GRM7: variants seen among roughly 807,000 people sequenced by gnomAD.
GRM7 encodes the protein glutamate metabotropic receptor 7.
Under a neutral mutation model 84.5 loss-of-function variants are expected in GRM7, and 35 were observed. The observed-to-expected ratio is 0.41, with a 90% CI of 0.32 to 0.55. The LOEUF (loss-of-function observed/expected upper bound fraction) is 0.55. GRM7 is among the 20% of genes least tolerant of loss of function. The pLI, the probability that GRM7 is intolerant of heterozygous loss-of-function variation, is 0.19. For synonymous variants in GRM7, 487 were observed against 455.1 expected (o/e 1.07, Z -0.89); for missense variants, 1,003 against 1,194.6 (o/e 0.84, Z 2.36).
chr3:7,574,280 C>T (rs1694848877), intron 7 of GRM7, among the ~76,000 whole-genome samples: 1 of 151,880 alleles, frequency 6.6e-6, no homozygotes, highest in African/African-American at 2.4e-5. Context: ...CTGCCTCAGC[C>T]TCCTGACTAG....
intron 8 of GRM7, among the ~76,000 whole-genome samples, chr3:7,646,574 G>A (rs965351402): frequency 3.7e-4 from 56 of 152,082 alleles, no homozygotes; most frequent in African/African-American, 1.4e-3. Flanking sequence ...CCTTGTTAGT[G>A]CCATGCAGTA....
intron 2 of GRM7, among the ~76,000 whole-genome samples, chr3:7,284,342 A>G (rs1699356498): frequency 6.6e-6 from 1 of 151,622 alleles, no homozygotes; most frequent in South Asian, 2.1e-4. Context: ...GGATCTGCAC[A>G]CTAGTACAGA....
At chr3:7,344,619 G>A (rs1207727017) in intron 4 of GRM7, among the ~76,000 whole-genome samples, 10 of 152,154 alleles carry the variant, frequency 6.6e-5, no homozygotes, top group South Asian at 4.2e-4. Flanking sequence ...CCTGTTATTC[G>A]TGCAACATGG....
intron 4 of GRM7, among the ~76,000 whole-genome samples, chr3:7,393,230 C>T: frequency 6.6e-6 from 1 of 152,160 alleles, no homozygotes; most frequent in East Asian, 1.9e-4. Flanking sequence ...TCTATAGGTT[C>T]CCAGTGTCTC....
intron 2 of GRM7, among the ~76,000 whole-genome samples, chr3:7,163,958 T>C (rs2125081650): frequency 6.6e-6 from 1 of 152,338 alleles, no homozygotes; most frequent in African/African-American, 2.4e-5. Flanking sequence ...AGTGTTCAAG[T>C]CATCTTGACA....
At chr3:7,163,647 G>A (rs1213458631) in intron 2 of GRM7, among the ~76,000 whole-genome samples, 1 of 152,090 alleles carries the variant, frequency 6.6e-6, no homozygotes, top group African/African-American at 2.4e-5. Flanking sequence ...TAGACAGGGT[G>A]GTTGGGAACA....
Position 7,054,519 on chromosome 3 carries a change from C to G in GRM7, c.520-91933C>G, listed in dbSNP as rs191179825. ...AACTGAAATAATGAGAGTAGTCATT[C>G]TTGCATTGGTCCCTGTTTAAGTGGG... On this transcript the variant is annotated intron_variant, in intron 1 of 9. Transcript: ENST00000357716. 2.4e-3 allele frequency among the ~76,000 whole-genome samples: 358 copies of G among 151,660 alleles called. 2 individuals carry two copies. Among genetic ancestry groups the G allele is most frequent in the African/African-American group, 8.4e-3 (346 of 41,436 alleles).
At chr3:7,501,338 G>A (rs983162179) in intron 7 of GRM7, among the ~76,000 whole-genome samples, 9 of 152,192 alleles carry the variant, frequency 5.9e-5, no homozygotes, top group Non-Finnish European at 1.3e-4. Flanking sequence ...AAAAGCAGGT[G>A]TTTCTGAAAT....
intron 8 of GRM7, among the ~76,000 whole-genome samples, chr3:7,617,548 A>C (rs1425151675): frequency 6.6e-6 from 1 of 152,172 alleles, no homozygotes; most frequent in Non-Finnish European, 1.5e-5. Flanking sequence ...GCCATAAAGC[A>C]AAAGATCGAC....
intron 8 of GRM7, among the ~76,000 whole-genome samples, chr3:7,598,171 C>G (rs1696141740): frequency 6.6e-6 from 1 of 152,166 alleles, no homozygotes; most frequent in African/African-American, 2.4e-5. Context: ...TATAGAGATG[C>G]ATAGGTATGA....
intron 2 of GRM7, among the ~76,000 whole-genome samples, chr3:7,216,191 T>C (rs1457902078): frequency 1.3e-5 from 2 of 152,218 alleles, no homozygotes; most frequent in Non-Finnish European, 1.5e-5. Flanking sequence ...ATATGCCTAA[T>C]TGAACAGGTG....
chr3:7,084,023 AG>A (rs1165603896), intron 1 of GRM7, among the ~76,000 whole-genome samples: 1 of 152,160 alleles, frequency 6.6e-6, no homozygotes, highest in Admixed American at 6.6e-5. Flanking sequence ...AAGGTCATGT[AG>A]ATGATTATAT....
chr3:7,565,603 G>A (rs1016365045), intron 7 of GRM7, among the ~76,000 whole-genome samples: 3 of 152,106 alleles, frequency 2.0e-5, no homozygotes, highest in Non-Finnish European at 4.4e-5. Flanking sequence ...GCCAGCTGAC[G>A]GATATCTCTG....
At chr3:7,423,256 G>C (rs1696470940) in intron 5 of GRM7, among the ~76,000 whole-genome samples, 1 of 152,142 alleles carries the variant, frequency 6.6e-6, no homozygotes, top group Admixed American at 6.6e-5. Context: ...GAAATCCCGG[G>C]AGTATTCAGG....
chr3:7,079,276 T>C (rs780074197), intron 1 of GRM7, among the ~76,000 whole-genome samples: 1 of 152,062 alleles, frequency 6.6e-6, no homozygotes, highest in Non-Finnish European at 1.5e-5. Context: ...TCTAACAGAG[T>C]CATTTCATCT....
At chr3:7,260,673 T>TTTGTGTGTGTGTG (rs1553638949) in intron 2 of GRM7, among the ~76,000 whole-genome samples, 1 of 144,428 alleles carries the variant, frequency 6.9e-6, no homozygotes, top group Non-Finnish European at 1.5e-5. Context: ...TTCTTTTGAA[T>TTTGTGTGTGTGTG]TGTGTGTGTG....
Position 7,077,002 on chromosome 3 carries a change from G to A in GRM7, c.520-69450G>A, listed in dbSNP as rs148744842. On this transcript the variant is annotated intron_variant, in intron 1 of 9. Transcript: ENST00000357716. ...CATCATCACTGGTCATTAGAGAAATGCAAATCAAAACCACGGTGAGATACC... is the reference window on the plus strand; with the variant it reads ...CATCATCACTGGTCATTAGAGAAATACAAATCAAAACCACGGTGAGATACC... 4.0e-3 allele frequency among the ~76,000 whole-genome samples: 613 copies of A among 152,286 alleles called. 2 individuals are homozygous for A. The highest frequency in any genetic ancestry group is 6.2e-3 in the Non-Finnish European group (420 of 68,014).
chr3:7,264,890 C>T (rs901451911), intron 2 of GRM7, among the ~76,000 whole-genome samples: 12 of 152,198 alleles, frequency 7.9e-5, no homozygotes, highest in African/African-American at 2.9e-4. Context: ...TTACACCTTC[C>T]TGCTATAGAG....
At chr3:7,288,815 G>A (rs1699519253) in intron 2 of GRM7, among the ~76,000 whole-genome samples, 1 of 152,004 alleles carries the variant, frequency 6.6e-6, no homozygotes, top group South Asian at 2.1e-4. Flanking sequence ...AATTCACAAA[G>A]GTCTGATAAT....
Sources: gnomAD v4.1 joint callset for allele counts (sites outside exome capture counted in the v4.1 genomes callset) on GRCh38, gnomAD v4.1.1 for gene constraint, MANE v1.5 for transcripts, NCBI Gene and HGNC (gene_info 2026-07-23, HGNC 2026-07-21) for gene names.